Variants in AP2A1 observed in about 807,000 individuals in gnomAD.
AP2A1 encodes the protein adaptor related protein complex 2 subunit alpha 1.
In AP2A1, 21 loss-of-function variants were observed where a neutral mutation model predicts 107.3. That is an observed-to-expected ratio of 0.20 (90% CI 0.14 to 0.28). AP2A1 has a LOEUF of 0.28. Ranked by LOEUF, AP2A1 falls within the 10% of genes least tolerant of loss-of-function variation. AP2A1 has a pLI of 1.00. For missense variants in AP2A1, 873 were observed against 1,307.7 expected (o/e 0.67, Z 5.13); for synonymous variants, 602 against 564.8 (o/e 1.07, Z -0.93).
intron 7 of AP2A1, chr19:49,796,749 C>T (rs2073218624): frequency 6.6e-6 from 1 of 152,326 alleles, no homozygotes; most frequent in Non-Finnish European, 1.5e-5. Flanking sequence ...CTGTGTCCCT[C>T]TATGTGTGTA....
At chr19:49,795,231 C>T (rs2073197406) in intron 6 of AP2A1, among the ~76,000 whole-genome samples, 1 of 152,208 alleles carries the variant, frequency 6.6e-6, no homozygotes, top group African/African-American at 2.4e-5. Flanking sequence ...CAGCAGAGAC[C>T]TTTCCTGCCC....
At chr19:49,772,253 T>C (rs1310478906) in intron 1 of AP2A1, among the ~76,000 whole-genome samples, 12 of 115,340 alleles carry the variant, frequency 1.0e-4, no homozygotes, top group African/African-American at 3.9e-4. Context: ...AGAGTTTTTT[T>C]TTTTTTTTTT....
rs549942342 is a variant in AP2A1 at position 49,783,593 on chromosome 19, A to T, written c.473+869A>T. ...AAAGACAATATTATTTAATGGATTC[A>T]TGAGGTAGCCAGAAAATGAGGAGCA... On this transcript the variant is annotated intron_variant, in intron 4 of 22. Coordinates refer to ENST00000354293, the MANE Select transcript of AP2A1 (RefSeq NM_130787.3). Among the ~76,000 whole-genome samples the T allele has an allele frequency of 1.5e-3, 232 of 152,332 alleles. 6 individuals are homozygous for T. The South Asian group carries it at 0.046, about 30-fold the overall frequency.
At position 49,801,067 on chromosome 19, in the gene AP2A1, GC is replaced by G. The variant is rs1259376111; in HGVS notation, c.1553+11del. The G allele has an allele frequency of 6.3e-7, 1 of 1,594,310 alleles. No homozygotes were observed. ...GGGGACCCCCGCTCCAGGTGAGGGA[GC>G]CTCAGCCTGCAGGGGAGAACACACA... is the stretch of plus-strand genomic sequence containing the variant. On this transcript the variant is annotated intron_variant, in intron 12 of 22. Transcript: ENST00000354293.
chr19:49,782,219 G>T, intron 3 of AP2A1, 130 bp downstream of exon 3: 1 of 771,706 alleles, frequency 1.3e-6, no homozygotes, highest in Non-Finnish European at 2.0e-6. Context: ...TGAGGGAGGA[G>T]GGGGTCTGGG....
intron 1 of AP2A1, among the ~76,000 whole-genome samples, chr19:49,778,579 G>C (rs914143026): frequency 6.6e-6 from 1 of 151,894 alleles, no homozygotes; most frequent in Non-Finnish European, 1.5e-5. Context: ...GTGAAACTGC[G>C]TCTCAAGATA....
intron 1 of AP2A1, among the ~76,000 whole-genome samples, chr19:49,771,225 T>A (rs2053723476): frequency 6.7e-6 from 1 of 148,352 alleles, no homozygotes; most frequent in African/African-American, 2.5e-5. Flanking sequence ...CCCAGCTACT[T>A]GGGAGACTGA....
intron 1 of AP2A1, among the ~76,000 whole-genome samples, chr19:49,777,739 A>G (rs1472732273): frequency 6.6e-6 from 1 of 152,122 alleles, no homozygotes; most frequent in Non-Finnish European, 1.5e-5. Context: ...CACCCTGGGC[A>G]ACATGGCAAA....
chr19:49,799,264 G>T, intron 8 of AP2A1, 63 bp from the exon 9 acceptor site: 1 of 1,556,930 alleles, frequency 6.4e-7, no homozygotes. Flanking sequence ...GCTGGGGCCC[G>T]AGTCCTCCAC....
intron 11 of AP2A1, among the ~76,000 whole-genome samples, chr19:49,800,531 C>T (rs774741324): frequency 6.6e-6 from 1 of 152,162 alleles, no homozygotes; most frequent in Non-Finnish European, 1.5e-5. Context: ...TGCCGTGGTG[C>T]GATCTCGGCT....
chr19:49,792,115 C>T, intron 5 of AP2A1, 51 bp downstream of exon 5: 1 of 1,587,310 alleles, frequency 6.3e-7, no homozygotes, highest in Non-Finnish European at 8.6e-7. Context: ...CCACCTCAGC[C>T]CTGACCCCCC....
intron 18 of AP2A1, chr19:49,805,116 C>T (rs2073345823): frequency 3.7e-6 from 1 of 268,696 alleles, no homozygotes; most frequent in Non-Finnish European, 7.0e-6. Context: ...CCCAGGCTTA[C>T]ACATGTCCAG....
intron 1 of AP2A1, among the ~76,000 whole-genome samples, chr19:49,770,875 G>A (rs2084549013): frequency 6.6e-6 from 1 of 152,012 alleles, no homozygotes; most frequent in Admixed American, 6.6e-5. Context: ...TTTTTGAGAT[G>A]GAGTCTCACT....
chr19:49,767,240 G>C (rs747836143), intron 1 of AP2A1, 40 bp downstream of exon 1: 5 of 1,605,308 alleles, frequency 3.1e-6, no homozygotes, highest in Admixed American at 1.7e-5. Flanking sequence ...CGCGGGGGAG[G>C]GGGGAGCGTG....
At chr19:49,770,018 G>A (rs1467868141) in intron 1 of AP2A1, among the ~76,000 whole-genome samples, 2 of 152,064 alleles carry the variant, frequency 1.3e-5, no homozygotes, top group East Asian at 1.9e-4. Flanking sequence ...ACAGGCACCC[G>A]CCACCACGCT....
intron 1 of AP2A1, among the ~76,000 whole-genome samples, chr19:49,773,182 G>GC (rs1005665231): frequency 2.0e-5 from 3 of 152,188 alleles, no homozygotes; most frequent in African/African-American, 7.2e-5. Context: ...GCTGGGCCCA[G>GC]CCCGAGGGCG....
In AP2A1 at chr19:49,802,046, G is replaced by T; in HGVS notation, c.2019G>T (p.Pro673=). The T allele has an allele frequency of 6.3e-7, 1 of 1,578,904 alleles. No homozygotes were observed. The highest frequency in any genetic ancestry group is 1.1e-5 in the South Asian group (1 of 87,814). The change falls in exon 15 of 23, where the codon CCG becomes CCT. Residue 673 remains proline (P), a synonymous_variant. Transcript: ENST00000354293. ...CAGCCCCTCCCCCGGCAGCACCCCC[G>T]GCTTCTGCAGGAGCAGGGAACCTTC... ...LRAAPPPAAP[P]ASAGAGNLLV... is the part of the protein sequence containing the mutation.
Position 49,801,887 on chromosome 19 carries a change from G to A in AP2A1, c.1951G>A (p.Val651Met). 6.7e-7 allele frequency: 1 copy of A among 1,484,410 alleles called. No homozygotes were observed. The highest frequency in any genetic ancestry group is 8.9e-7 in the Non-Finnish European group (1 of 1,121,318). The allele number at this position is 1,484,410 out of a possible 1,614,324, so 92.0% of individuals were successfully genotyped here. ...NGGMEPTPST[V>M]STPSPSADLL... ...GGGCATGGAGCCCACCCCCAGCACT[G>A]TGGTGAGTCCCCTGGGGTGGGCCCT... Residue 651 changes from valine to methionine, a missense_variant and splice_region_variant, in exon 14 of 23, where the codon GTG (valine) becomes ATG (methionine). Val to Met is a conservative substitution (Grantham distance 21, BLOSUM62 1). Transcript: ENST00000354293.
At chr19:49,799,520 G>A (rs558209610) in intron 9 of AP2A1, 25 bp downstream of exon 9, 25 of 1,607,078 alleles carry the variant, frequency 1.6e-5, no homozygotes, top group Middle Eastern at 3.3e-4. Context: ...AGCCCACCCC[G>A]GGCCTGCCAC....
Sources: gnomAD v4.1 joint callset for allele counts (sites outside exome capture counted in the v4.1 genomes callset) on GRCh38, gnomAD v4.1.1 for gene constraint, MANE v1.5 for transcripts, NCBI Gene and HGNC (gene_info 2026-07-23, HGNC 2026-07-21) for gene names.